ZNRF2: variants seen among roughly 807,000 people sequenced by gnomAD.
ZNRF2 encodes E3 ubiquitin-protein ligase ZNRF2.
Under a neutral mutation model 20.4 loss-of-function variants are expected in ZNRF2, and 16 were observed. The ratio of observed to expected loss-of-function variants is 0.79; its 90% CI spans 0.53 to 1.19. The LOEUF is 1.19. Ranked by LOEUF, ZNRF2 falls within the 50% of genes most tolerant of loss-of-function variation. The probability of loss-of-function intolerance (pLI) is 0.00; values close to 1 mark genes in which losing one functional copy is unlikely to be tolerated. For synonymous variants in ZNRF2, 178 were observed against 144.9 expected (o/e 1.23, Z -1.64); for missense variants, 363 against 332.4 (o/e 1.09, Z -0.72).
At chr7:30,337,192 G>T (rs960019399) in intron 2 of ZNRF2, among the ~76,000 whole-genome samples, 3 of 151,826 alleles carry the variant, frequency 2.0e-5, no homozygotes, top group Admixed American at 2.0e-4. Flanking sequence ...TGTTCTTTTC[G>T]GATTGAATCT....
intron 1 of ZNRF2, among the ~76,000 whole-genome samples, chr7:30,313,403 G>A (rs1022393881): frequency 1.9e-4 from 29 of 152,086 alleles, no homozygotes; most frequent in African/African-American, 6.3e-4. Context: ...ATAGGCTAGT[G>A]GGCATTATAC....
intron 1 of ZNRF2, among the ~76,000 whole-genome samples, chr7:30,298,930 T>G (rs1357639491): frequency 6.6e-6 from 1 of 152,252 alleles, no homozygotes; most frequent in African/African-American, 2.4e-5. Flanking sequence ...TTATTATTCT[T>G]TAATTTTCTT....
chr7:30,362,280 TA>T, intron 3 of ZNRF2, 96 bp from the exon 4 acceptor site: 3 of 758,670 alleles, frequency 4.0e-6, no homozygotes, highest in Non-Finnish European at 4.0e-6. Flanking sequence ...TTTTTTTCTG[TA>T]AAAAATATAT....
intron 2 of ZNRF2, among the ~76,000 whole-genome samples, chr7:30,335,841 C>G (rs1040869507): frequency 6.6e-6 from 1 of 151,994 alleles, no homozygotes; most frequent in Non-Finnish European, 1.5e-5. Flanking sequence ...AAGACTAGTT[C>G]GGAGATTGGT....
At chr7:30,338,163 A>G (rs1043388803) in intron 2 of ZNRF2, among the ~76,000 whole-genome samples, 2 of 152,132 alleles carry the variant, frequency 1.3e-5, no homozygotes, top group African/African-American at 2.4e-5. Flanking sequence ...TTGTGTGTGT[A>G]TGAGTATGTC....
chr7:30,363,181 C>T (rs964794059), intron 4 of ZNRF2, among the ~76,000 whole-genome samples: 2 of 151,750 alleles, frequency 1.3e-5, no homozygotes, highest in African/African-American at 4.8e-5. Context: ...TGCAGTGAGC[C>T]GAGATCATGC....
chr7:30,340,624 G>A (rs1391212075), intron 2 of ZNRF2, among the ~76,000 whole-genome samples: 3 of 152,168 alleles, frequency 2.0e-5, no homozygotes, highest in Non-Finnish European at 4.4e-5. Context: ...TTGATGTGCT[G>A]CTGGATTCAG....
chr7:30,345,663 T>C (rs1490912136), intron 2 of ZNRF2, among the ~76,000 whole-genome samples: 1 of 152,166 alleles, frequency 6.6e-6, no homozygotes, highest in Non-Finnish European at 1.5e-5. Context: ...AGTGGTTACC[T>C]TACTTTAGTG....
chr7:30,290,851 T>C (rs574972338), intron 1 of ZNRF2, among the ~76,000 whole-genome samples: 50 of 152,346 alleles, frequency 3.3e-4, no homozygotes, highest in Middle Eastern at 3.4e-3. Context: ...ATAGCATTAA[T>C]AAACATGAAC....
chr7:30,325,165 G>C (rs761021829), intron 2 of ZNRF2, among the ~76,000 whole-genome samples: 2 of 152,000 alleles, frequency 1.3e-5, no homozygotes, highest in Admixed American at 6.5e-5. Context: ...CCTAACCAAT[G>C]AATAGAATAA....
At chr7:30,342,743 C>T (rs1424465366) in intron 2 of ZNRF2, among the ~76,000 whole-genome samples, 1 of 152,010 alleles carries the variant, frequency 6.6e-6, no homozygotes, top group East Asian at 1.9e-4. Flanking sequence ...AGTATACAAG[C>T]CTATGAATTT....
chr7:30,337,754 A>G (rs1330848579), intron 2 of ZNRF2, among the ~76,000 whole-genome samples: 2 of 151,838 alleles, frequency 1.3e-5, no homozygotes, highest in African/African-American at 4.8e-5. Flanking sequence ...AATTAATAAA[A>G]TAATTAATTT....
At chr7:30,360,251 A>G (rs1191392390) in intron 3 of ZNRF2, among the ~76,000 whole-genome samples, 1 of 152,126 alleles carries the variant, frequency 6.6e-6, no homozygotes, top group African/African-American at 2.4e-5. Flanking sequence ...AGTCATTTGA[A>G]ACAGTGTGAT....
chr7:30,326,732 A>G (rs1799557905), intron 2 of ZNRF2, among the ~76,000 whole-genome samples: 2 of 152,156 alleles, frequency 1.3e-5, no homozygotes, highest in African/African-American at 4.8e-5. Context: ...ACAATGGTTG[A>G]ACTAATTTAC....
chr7:30,355,610 C>A lies in ZNRF2; in HGVS notation c.566-118C>A, dbSNP rs781666861. The A allele has an allele frequency of 1.9e-5, 13 of 689,504 alleles. No individual in the cohort carries two copies. In the South Asian group the frequency reaches 2.6e-4, roughly 14 times the overall value. The allele number at this position is 689,504 out of a possible 1,614,324, so 42.7% of individuals were successfully genotyped here. On this transcript the variant is annotated intron_variant, in intron 2 of 4. Transcript: ENST00000323037. Reference sequence around the variant, plus strand: ...CGTGCTGAGTTTTATGTATTTCTGGCGAAAAGATATGCCAAGTAAGGTGGA... The same window carrying A: ...CGTGCTGAGTTTTATGTATTTCTGGAGAAAAGATATGCCAAGTAAGGTGGA...
intron 3 of ZNRF2, among the ~76,000 whole-genome samples, chr7:30,358,056 T>C (rs550069080): frequency 1.3e-5 from 2 of 152,194 alleles, no homozygotes; most frequent in East Asian, 3.9e-4. Context: ...AGACAGAAAA[T>C]GTATAGATGT....
In ZNRF2 at chr7:30,327,976, G is replaced by T. The variant is rs1301744693; in HGVS notation, c.565+4239G>T. ...TTAATAAAAACCGTGTATAGTTTTT[G>T]AGGTTTTAAAACTAGCTCTTGGACA... On this transcript the variant is annotated intron_variant, in intron 2 of 4. Coordinates refer to ENST00000323037, the MANE Select transcript of ZNRF2 (RefSeq NM_147128.4). Among the ~76,000 whole-genome samples the T allele has an allele frequency of 2.0e-5, 3 of 152,278 alleles. No individual in the cohort carries two copies. In the East Asian group the frequency reaches 5.8e-4, roughly 29 times the overall value.
At chr7:30,291,743 G>A (rs1012740628) in intron 1 of ZNRF2, among the ~76,000 whole-genome samples, 2 of 152,068 alleles carry the variant, frequency 1.3e-5, no homozygotes, top group African/African-American at 4.8e-5. Flanking sequence ...CTCTAATTCA[G>A]GATATTACAA....
intron 1 of ZNRF2, among the ~76,000 whole-genome samples, chr7:30,318,510 A>G (rs1485940822): frequency 6.6e-6 from 1 of 152,154 alleles, no homozygotes; most frequent in African/African-American, 2.4e-5. Flanking sequence ...TGGTGGTTGG[A>G]GTAATTTTTC....
Sources: gnomAD v4.1 joint callset for allele counts (sites outside exome capture counted in the v4.1 genomes callset) on GRCh38, gnomAD v4.1.1 for gene constraint, MANE v1.5 for transcripts, NCBI Gene and HGNC (gene_info 2026-07-23, HGNC 2026-07-21) for gene names.